PHTF2: variants seen among roughly 807,000 people sequenced by gnomAD.
The protein encoded by PHTF2 is putative homeodomain transcription factor 2.
Under a neutral mutation model 101.2 loss-of-function variants are expected in PHTF2, and 60 were observed. The ratio of observed to expected loss-of-function variants is 0.59; its 90% CI spans 0.48 to 0.73. PHTF2 has a LOEUF of 0.73. Among genes scored for constraint, PHTF2 ranks in the 30% least tolerant of loss-of-function variants. PHTF2 has a pLI of 0.00. For missense variants in PHTF2, 747 were observed against 908.7 expected (o/e 0.82, Z 2.29); for synonymous variants, 311 against 307.3 (o/e 1.01, Z -0.13).
At chr7:77,905,594 G>A (rs1158136957) in intron 7 of PHTF2, among the ~76,000 whole-genome samples, 3 of 151,852 alleles carry the variant, frequency 2.0e-5, no homozygotes, top group African/African-American at 7.3e-5. Context: ...AACCTCCAAG[G>A]CTCAATCATT....
chr7:77,850,520 T>C (rs1296729857), intron 2 of PHTF2, among the ~76,000 whole-genome samples: 1 of 151,254 alleles, frequency 6.6e-6, no homozygotes, highest in East Asian at 1.9e-4. Context: ...CATACACCTG[T>C]AGTTGCAACT....
At chr7:77,806,361 A>C (rs569574226) in intron 1 of PHTF2, among the ~76,000 whole-genome samples, 1 of 152,302 alleles carries the variant, frequency 6.6e-6, no homozygotes, top group South Asian at 2.1e-4. Context: ...AGGTGCATGC[A>C]TATTTATGAT....
rs201491406 is a variant in PHTF2 at position 77,940,324 on chromosome 7, G to A, written c.1740+22G>A. On this transcript the variant is annotated intron_variant, in intron 14 of 19. Transcript: ENST00000416283. ...ACAGGTGGGTATAATGTAGACTTCC[G>A]AATAAGAATATTTTATCGTTTTCAT... The A allele has an allele frequency of 2.0e-5, 31 of 1,545,358 alleles. 1 individual carries two copies. In the South Asian group the frequency reaches 2.1e-4, roughly 10 times the overall value.
chr7:77,956,757 G>C (rs1270886295), exon 20 of PHTF2: 3 of 152,466 alleles, frequency 2.0e-5, no homozygotes, highest in African/African-American at 7.2e-5. Context: ...GTTCTGTTAG[G>C]AATAAAAGAT....
intron 3 of PHTF2, among the ~76,000 whole-genome samples, chr7:77,859,844 G>A (rs564519976): frequency 3.3e-5 from 5 of 152,150 alleles, no homozygotes; most frequent in African/African-American, 9.6e-5. Flanking sequence ...CAAAGTGCTG[G>A]AATTACAAGT....
intron 1 of PHTF2, among the ~76,000 whole-genome samples, chr7:77,828,152 G>A (rs1794825877): frequency 6.6e-6 from 1 of 152,196 alleles, no homozygotes. Context: ...GTCCATGTTT[G>A]AATTGAGCCT....
At chr7:77,903,498 A>G (rs1323637481) in intron 7 of PHTF2, among the ~76,000 whole-genome samples, 1 of 152,246 alleles carries the variant, frequency 6.6e-6, no homozygotes, top group Non-Finnish European at 1.5e-5. Flanking sequence ...CAAGTTTCCA[A>G]TGTAACTAAA....
chr7:77,919,009 T>C (rs1803194832), intron 9 of PHTF2, among the ~76,000 whole-genome samples: 1 of 152,180 alleles, frequency 6.6e-6, no homozygotes, highest in Admixed American at 6.5e-5. Flanking sequence ...TCTAGGTTGA[T>C]GAGTGTGTTA....
At chr7:77,954,830 G>A (rs769928050) in intron 19 of PHTF2, 28 bp from the exon 19 acceptor site, 3 of 1,388,404 alleles carry the variant, frequency 2.2e-6, no homozygotes, top group African/African-American at 3.0e-5. Flanking sequence ...AAACTGGCTT[G>A]TCACCACTTC....
At chr7:77,894,932 C>T (rs1562924903) in intron 5 of PHTF2, among the ~76,000 whole-genome samples, 1 of 152,020 alleles carries the variant, frequency 6.6e-6, no homozygotes, top group African/African-American at 2.4e-5. Flanking sequence ...AGGAGTAAAA[C>T]TAGAAAGGAA....
chr7:77,873,811 C>T (rs1449803199), intron 3 of PHTF2, among the ~76,000 whole-genome samples: 1 of 152,204 alleles, frequency 6.6e-6, no homozygotes, highest in Non-Finnish European at 1.5e-5. Context: ...CTATCAATGC[C>T]CTCACTTTAA....
At chr7:77,926,125 A>C (rs2150930673) in intron 11 of PHTF2, among the ~76,000 whole-genome samples, 1 of 152,316 alleles carries the variant, frequency 6.6e-6, no homozygotes, top group Middle Eastern at 3.4e-3. Flanking sequence ...AGAATTATAG[A>C]TATTTTCTTA....
exon 12 of PHTF2, chr7:77,929,163 G>T: frequency 6.2e-7 from 1 of 1,613,964 alleles, no homozygotes; most frequent in Non-Finnish European, 8.5e-7. Context: ...TTCCAGACAG[G>T]ATTCTGAGAG....
chr7:77,922,459 A>AT (rs34251469), intron 10 of PHTF2, among the ~76,000 whole-genome samples, 164 bp from the exon 10 acceptor site: 55 of 152,296 alleles, frequency 3.6e-4, no homozygotes, highest in Non-Finnish European at 5.9e-4. Flanking sequence ...GATTTAAGAT[A>AT]TTTTTTCAGA....
chr7:77,910,050 C>A, intron 8 of PHTF2, 195 bp from the exon 8 acceptor site: 1 of 495,396 alleles, frequency 2.0e-6, no homozygotes, highest in South Asian at 3.0e-5. Context: ...AGGACCAATA[C>A]CTTAACATTT....
intron 3 of PHTF2, among the ~76,000 whole-genome samples, chr7:77,867,018 T>C (rs1180839326): frequency 6.6e-6 from 1 of 152,232 alleles, no homozygotes; most frequent in Non-Finnish European, 1.5e-5. Flanking sequence ...TGGTTAATTA[T>C]TGAGCTTTTG....
At chr7:77,803,329 A>C (rs1049611489) in intron 1 of PHTF2, among the ~76,000 whole-genome samples, 14 of 152,238 alleles carry the variant, frequency 9.2e-5, no homozygotes, top group Non-Finnish European at 1.9e-4. Flanking sequence ...ATATCTACAG[A>C]AATTTTAAAG....
Position 77,849,629 on chromosome 7 carries a change from T to C in PHTF2, c.46-5104T>C, listed in dbSNP as rs573441042. 1.3e-4 allele frequency among the ~76,000 whole-genome samples: 20 copies of C among 152,398 alleles called. No homozygotes were observed. The East Asian group carries it at 3.8e-3, about 29-fold the overall frequency. ...CATTGGCATTTTGATAGTGCTACAT[T>C]GAATCTGTAGATTGCTTTGGGTAGT... On this transcript the variant is annotated intron_variant, in intron 2 of 19. Coordinates refer to ENST00000416283, the Ensembl canonical transcript of PHTF2.
chr7:77,897,505 T>C (rs1800982673), intron 5 of PHTF2, among the ~76,000 whole-genome samples: 1 of 151,940 alleles, frequency 6.6e-6, no homozygotes, highest in Non-Finnish European at 1.5e-5. Context: ...CATAAATTAG[T>C]AGTTTTAAAA....
Sources: allele counts gnomAD v4.1 joint callset (sites outside exome capture counted in the v4.1 genomes callset), GRCh38; gene constraint gnomAD v4.1.1; transcripts MANE v1.5; gene names NCBI Gene and HGNC (gene_info 2026-07-23, HGNC 2026-07-21).